The following HDAC2 variants were observed in gnomAD, a reference collection of about 807,000 sequenced individuals.
HDAC2 encodes the protein histone deacetylase 2, also known as YY1-associated factor 1.
Under a neutral mutation model 68.5 loss-of-function variants are expected in HDAC2, and 5 were observed. The observed-to-expected ratio is 0.07, with a 90% CI of 0.04 to 0.15. The LOEUF is 0.15. Ranked by LOEUF, HDAC2 falls within the 10% of genes least tolerant of loss-of-function variation. The probability of loss-of-function intolerance (pLI) is 1.00; values close to 1 mark genes in which losing one functional copy is unlikely to be tolerated. For missense variants in HDAC2, 291 were observed against 600.8 expected, an observed-to-expected ratio of 0.48 and a Z score of 5.39; for synonymous variants, 182 against 191.3, an observed-to-expected ratio of 0.95 and a Z score of 0.40.
intron 1 of HDAC2, 85 bp downstream of exon 1, chr6:113,970,772 A>G: frequency 7.0e-7 from 1 of 1,436,426 alleles, no homozygotes; most frequent in Non-Finnish European, 9.0e-7. Context: ...CCCACCCCTC[A>G]GCCCCGGCGC....
intron 1 of HDAC2, among the ~76,000 whole-genome samples, chr6:113,964,995 A>T (rs1776778022): frequency 6.6e-6 from 1 of 152,216 alleles, no homozygotes; most frequent in African/African-American, 2.4e-5. Context: ...TCTAAAATGC[A>T]ACCATTACAT....
At chr6:113,967,955 A>G (rs758678923) in intron 1 of HDAC2, among the ~76,000 whole-genome samples, 3 of 152,228 alleles carry the variant, frequency 2.0e-5, no homozygotes, top group Non-Finnish European at 2.9e-5. Flanking sequence ...AGGTTTAAGG[A>G]TACCTAATCC....
chr6:113,943,681 T>C (rs1167993568), intron 11 of HDAC2, among the ~76,000 whole-genome samples, 175 bp from the exon 12 acceptor site: 1 of 152,186 alleles, frequency 6.6e-6, no homozygotes, highest in Non-Finnish European at 1.5e-5. Flanking sequence ...TATTGAAAAC[T>C]TTGCTTTCAT....
At chr6:113,969,484 C>T (rs1776921138) in intron 1 of HDAC2, among the ~76,000 whole-genome samples, 1 of 152,188 alleles carries the variant, frequency 6.6e-6, no homozygotes, top group South Asian at 2.1e-4. Context: ...ATTTACAATA[C>T]ACCACATGTA....
chr6:113,956,484 C>A, intron 4 of HDAC2, 135 bp downstream of exon 4: 1 of 657,508 alleles, frequency 1.5e-6, no homozygotes, highest in Admixed American at 2.8e-5. Context: ...GTAAATTGTA[C>A]TTTACTATAA....
chr6:113,951,721 C>A (rs1776421431), intron 6 of HDAC2, among the ~76,000 whole-genome samples: 2 of 152,120 alleles, frequency 1.3e-5, no homozygotes, highest in South Asian at 4.1e-4. Context: ...CCCACCTCGG[C>A]CTCCCAAAGT....
In HDAC2 at chr6:113,949,272, A is replaced by G. The variant is rs757919275; in HGVS notation, c.640-12T>C. The G allele has an allele frequency of 3.8e-5, 54 of 1,431,752 alleles. 1 individual carries two copies. In the South Asian group the frequency reaches 4.0e-4, roughly 11 times the overall value. The allele number at this position is 1,431,752 out of a possible 1,614,324, so 88.7% of individuals were successfully genotyped here. On this transcript the variant is annotated splice_polypyrimidine_tract_variant and intron_variant, in intron 6 of 13. Coordinates refer to ENST00000519065, the MANE Select transcript of HDAC2 (RefSeq NM_001527.4). ...CCAGCACCAATATCCTAAAATACAT[A>G]ATTAAACTGATCTTAGAGAATATTC...
intron 1 of HDAC2, among the ~76,000 whole-genome samples, chr6:113,963,935 C>T (rs191664725): frequency 6.6e-6 from 1 of 152,244 alleles, no homozygotes; most frequent in East Asian, 1.9e-4. Context: ...TATCCATATT[C>T]CTTCAAATTA....
In HDAC2 at chr6:113,956,171, T is replaced by C. The variant is rs564423762; in HGVS notation, c.359-20A>G. 50 of 1,579,660 alleles carry C rather than the reference T, an allele frequency of 3.2e-5. No individual in the cohort carries two copies. The highest frequency in any genetic ancestry group is 3.2e-4 in the South Asian group (27 of 85,360). Reference sequence around the variant, plus strand: ...CTCCAGCTAAGAAGTAGAAACAAGATAGACCTTTTAAACATTTATCATAAA... The same window carrying C: ...CTCCAGCTAAGAAGTAGAAACAAGACAGACCTTTTAAACATTTATCATAAA... On this transcript the variant is annotated intron_variant, in intron 4 of 13. Coordinates refer to ENST00000519065, the MANE Select transcript of HDAC2 (RefSeq NM_001527.4).
intron 2 of HDAC2, 58 bp from the exon 3 acceptor site, chr6:113,958,824 T>C (rs1776614815): frequency 7.2e-6 from 7 of 970,426 alleles, no homozygotes. Context: ...ATCAGTATTA[T>C]CAAACAAATA....
intron 3 of HDAC2, 131 bp downstream of exon 3, chr6:113,958,518 T>A: frequency 1.7e-6 from 1 of 584,526 alleles, no homozygotes. Context: ...TTAAAATGAC[T>A]TTTCAAATCA....
intron 12 of HDAC2, 106 bp from the exon 13 acceptor site, chr6:113,941,871 T>C (rs1776143718): frequency 9.0e-6 from 3 of 331,716 alleles, no homozygotes; most frequent in Non-Finnish European, 5.2e-6. Flanking sequence ...AGTTATGCAA[T>C]CTTATTATTA....
In HDAC2 at chr6:113,955,270, G is replaced by A. The variant is rs554379695; in HGVS notation, c.497+743C>T. Among the ~76,000 whole-genome samples, 4 of 151,782 alleles carry A rather than the reference G, an allele frequency of 2.6e-5. No homozygotes were observed. The East Asian group carries it at 7.8e-4, about 30-fold the overall frequency. ...ACTCTGTAGCCCAGGCTGGACTGCA[G>A]TGGTGCCATCTCGGCTCACTGCAAC... is the stretch of plus-strand genomic sequence containing the variant. On this transcript the variant is annotated intron_variant, in intron 5 of 13. Coordinates refer to ENST00000519065, the MANE Select transcript of HDAC2 (RefSeq NM_001527.4).
At chr6:113,956,786 C>A in intron 3 of HDAC2, 93 bp from the exon 4 acceptor site, 1 of 863,926 alleles carries the variant, frequency 1.2e-6, no homozygotes, top group Non-Finnish European at 1.9e-6. Flanking sequence ...TACTTTTTTG[C>A]TTGATGCAAT....
chr6:113,947,593 ACTG>A (rs1407629772), intron 8 of HDAC2: 1 of 152,158 alleles, frequency 6.6e-6, no homozygotes, highest in African/African-American at 2.4e-5. Context: ...AAAGAGGAAA[ACTG>A]ATAGTTAATA....
At chr6:113,945,293 G>GTATACTTTAAA (rs1220059264) in intron 10 of HDAC2, 69 bp downstream of exon 10, 1 of 690,344 alleles carries the variant, frequency 1.4e-6, no homozygotes, top group Non-Finnish European at 2.5e-6. Context: ...CATCATACTT[G>GTATACTTTAAA]GCCCTTTAAA....
intron 1 of HDAC2, among the ~76,000 whole-genome samples, chr6:113,965,453 C>G (rs921498994): frequency 6.6e-6 from 1 of 151,866 alleles, no homozygotes; most frequent in Non-Finnish European, 1.5e-5. Context: ...TGCAACCTCT[C>G]TGCCTCCCGG....
At chr6:113,966,672 G>A (rs1776829674) in intron 1 of HDAC2, among the ~76,000 whole-genome samples, 1 of 151,908 alleles carries the variant, frequency 6.6e-6, no homozygotes, top group Admixed American at 6.6e-5. Context: ...CAGACAGACT[G>A]TCCTAATGAA....
rs775962117 is a variant in HDAC2 at position 113,959,268 on chromosome 6, C to T, written c.166-502G>A. On this transcript the variant is annotated intron_variant, in intron 2 of 13. Transcript: ENST00000519065. ...AGACTGAGTCTTATTCTAACTTCCC[C>T]TCTTCTCTAAATGTCTACATGTAAC... Among the ~76,000 whole-genome samples, 21 of 152,194 alleles carry T rather than the reference C, an allele frequency of 1.4e-4. No homozygotes were observed. The South Asian group carries it at 1.5e-3, about 11-fold the overall frequency.
Sources: allele counts gnomAD v4.1 joint callset (sites outside exome capture counted in the v4.1 genomes callset), GRCh38; gene constraint gnomAD v4.1.1; transcripts MANE v1.5; gene names NCBI Gene and HGNC (gene_info 2026-07-23, HGNC 2026-07-21).